TENM3: variants seen among roughly 807,000 people sequenced by gnomAD.
The protein encoded by TENM3 is teneurin transmembrane protein 3, also known as teneurin-3.
A neutral mutation model predicts 255.1 loss-of-function variants in TENM3; 63 were observed. That is an observed-to-expected ratio of 0.25 (90% CI 0.20 to 0.30). The LOEUF is 0.30. Ranked by LOEUF, TENM3 falls within the 10% of genes least tolerant of loss-of-function variation. TENM3 has a pLI of 1.00. For synonymous variants in TENM3, 1,306 were observed against 1,322.3 expected (o/e 0.99, Z 0.27); for missense variants, 2,929 against 3,461.1 (o/e 0.85, Z 3.86).
chr4:182,171,197 A>G (rs1752084786), intron 1 of TENM3, among the ~76,000 whole-genome samples: 1 of 152,230 alleles, frequency 6.6e-6, no homozygotes, highest in Admixed American at 6.5e-5. Context: ...ACGTAAGTAA[A>G]TGTACATGAG....
the TENM3 span, among the ~76,000 whole-genome samples, chr4:181,711,777 C>G: frequency 6.6e-6 from 1 of 152,178 alleles, no homozygotes; most frequent in Non-Finnish European, 1.5e-5. Flanking sequence ...ACTCCCACTT[C>G]CTCTTGGCTG....
chr4:181,886,156 A>T, the TENM3 span, among the ~76,000 whole-genome samples: 1 of 150,578 alleles, frequency 6.6e-6, no homozygotes, highest in African/African-American at 2.4e-5. Flanking sequence ...GGGTTCAAGC[A>T]ATTCTCCCGC....
At chr4:181,915,124 G>A in the TENM3 span, among the ~76,000 whole-genome samples, 7 of 152,224 alleles carry the variant, frequency 4.6e-5, no homozygotes, top group South Asian at 6.2e-4. Flanking sequence ...CATTTTCAAC[G>A]GTTAGAAGGC....
the TENM3 span, among the ~76,000 whole-genome samples, chr4:181,766,136 T>C: frequency 6.6e-6 from 1 of 152,164 alleles, no homozygotes; most frequent in Admixed American, 6.5e-5. Flanking sequence ...TGCGCCTCCA[T>C]GCCTGGCTCC....
At chr4:182,377,644 A>G (rs938284111) in intron 3 of TENM3, among the ~76,000 whole-genome samples, 5 of 152,154 alleles carry the variant, frequency 3.3e-5, no homozygotes, top group African/African-American at 7.2e-5. Flanking sequence ...AGATATTGTC[A>G]TTGCTTGTTT....
At chr4:182,299,822 T>C (rs1297627434) in intron 1 of TENM3, among the ~76,000 whole-genome samples, 1 of 151,796 alleles carries the variant, frequency 6.6e-6, no homozygotes, top group Middle Eastern at 3.2e-3. Context: ...AGTGTGCTAT[T>C]AGGATGTGCC....
chr4:181,772,595 G>A, the TENM3 span, among the ~76,000 whole-genome samples: 1 of 152,042 alleles, frequency 6.6e-6, no homozygotes, highest in African/African-American at 2.4e-5. Context: ...AAGGAATACA[G>A]GACTTTTATC....
At chr4:182,665,322 T>G (rs1174269915) in intron 6 of TENM3, among the ~76,000 whole-genome samples, 1 of 152,216 alleles carries the variant, frequency 6.6e-6, no homozygotes, top group Non-Finnish European at 1.5e-5. Flanking sequence ...AAGCCCACTG[T>G]TGAGACCTAC....
rs76793472 is a variant in TENM3 at position 182,593,972 on chromosome 4, T to TA, written c.512-6938dup. Among the ~76,000 whole-genome samples, 1,071 of 141,432 alleles carry TA rather than the reference T, an allele frequency of 7.6e-3. 8 individuals are homozygous for TA. Among genetic ancestry groups the TA allele is most frequent in the East Asian group, 0.033 (164 of 4,918 alleles). 92.8% of individuals were successfully genotyped at this position (141,432 alleles called of 152,430 possible). ...AGCTGCCAGCAGTAGCTTTTAGTCT[T>TA]AAAAAAAAAAAAAAGAAGCCAGCAA... On this transcript the variant is annotated intron_variant, in intron 3 of 27. Transcript: ENST00000511685.
the TENM3 span, among the ~76,000 whole-genome samples, chr4:181,877,734 G>C: frequency 7.2e-5 from 11 of 152,264 alleles, no homozygotes; most frequent in South Asian, 2.3e-3. Flanking sequence ...TACAGCAAGA[G>C]GAAGGAACAA....
chr4:181,801,691 T>G, the TENM3 span, among the ~76,000 whole-genome samples: 1 of 115,458 alleles, frequency 8.7e-6, no homozygotes. Flanking sequence ...TATATATATA[T>G]ATATATGCAA....
At chr4:182,678,363 A>G (rs1341265634) in intron 7 of TENM3, among the ~76,000 whole-genome samples, 2 of 152,236 alleles carry the variant, frequency 1.3e-5, no homozygotes. Flanking sequence ...TCATAAGAAT[A>G]ATCAGGCACG....
At chr4:181,927,264 A>G in the TENM3 span, among the ~76,000 whole-genome samples, 1 of 152,224 alleles carries the variant, frequency 6.6e-6, no homozygotes, top group Admixed American at 6.5e-5. Context: ...GCAAGCCAAG[A>G]TCCACTGGCT....
intron 3 of TENM3, among the ~76,000 whole-genome samples, chr4:182,550,426 G>A (rs1425701081): frequency 6.6e-6 from 1 of 152,162 alleles, no homozygotes; most frequent in Non-Finnish European, 1.5e-5. Context: ...AGATCCTGAA[G>A]TCACTCCTGT....
the TENM3 span, among the ~76,000 whole-genome samples, chr4:181,760,877 C>G: frequency 6.6e-6 from 1 of 151,746 alleles, no homozygotes; most frequent in Admixed American, 6.6e-5. Context: ...CTTCTGACAT[C>G]TTATTACCTT....
intron 1 of TENM3, among the ~76,000 whole-genome samples, chr4:182,298,447 G>A (rs116484073): frequency 0.012 from 1,884 of 152,282 alleles, 51 homozygotes; most frequent in African/African-American, 0.043. Flanking sequence ...CTACAGTGGG[G>A]AACTTTGTTG....
At chr4:181,652,096 A>C in the TENM3 span, among the ~76,000 whole-genome samples, 1 of 149,966 alleles carries the variant, frequency 6.7e-6, no homozygotes, top group East Asian at 2.0e-4. Context: ...CTCTTCTTTC[A>C]ATCCCATTTC....
At chr4:182,610,837 G>A (rs1423614549) in intron 4 of TENM3, among the ~76,000 whole-genome samples, 1 of 149,898 alleles carries the variant, frequency 6.7e-6, no homozygotes, top group Non-Finnish European at 1.5e-5. Context: ...TTGACCTCCT[G>A]GGCTCAAGCA....
At chr4:182,272,887 A>G (rs1369154382) in intron 1 of TENM3, among the ~76,000 whole-genome samples, 1 of 152,176 alleles carries the variant, frequency 6.6e-6, no homozygotes, top group Non-Finnish European at 1.5e-5. Flanking sequence ...CTTCAGGTGC[A>G]GGGGTTGGGA....
Sources: allele counts gnomAD v4.1 joint callset (sites outside exome capture counted in the v4.1 genomes callset), GRCh38; gene constraint gnomAD v4.1.1; transcripts MANE v1.5; gene names NCBI Gene and HGNC (gene_info 2026-07-23, HGNC 2026-07-21).